The following RTN4IP1 variants were observed in gnomAD, a reference collection of about 807,000 sequenced individuals.
RTN4IP1 encodes the protein reticulon 4 interacting protein 1, also known as NAD(P)H oxidoreductase RTN4IP1, mitochondrial.
Under a neutral mutation model 46.6 loss-of-function variants are expected in RTN4IP1, and 32 were observed. The ratio of observed to expected loss-of-function variants is 0.69; its 90% CI spans 0.52 to 0.92. The LOEUF is 0.92. RTN4IP1 is among the 40% of genes least tolerant of loss of function. RTN4IP1 has a pLI of 0.00. For synonymous variants in RTN4IP1, 167 were observed against 161.8 expected, an observed-to-expected ratio of 1.03 and a Z score of -0.24; for missense variants, 424 against 485.8, an observed-to-expected ratio of 0.87 and a Z score of 1.20.
intron 6 of RTN4IP1, among the ~76,000 whole-genome samples, chr6:106,591,242 A>T (rs888327720): frequency 6.6e-6 from 1 of 152,166 alleles, no homozygotes; most frequent in African/African-American, 2.4e-5. Flanking sequence ...GAAAGTGGGC[A>T]TTTGTCTGGT....
chr6:106,608,391 A>G (rs1776139420), intron 4 of RTN4IP1, among the ~76,000 whole-genome samples: 1 of 152,206 alleles, frequency 6.6e-6, no homozygotes. Context: ...TTACAGCTAG[A>G]TAGGAAGAAT....
intron 8 of RTN4IP1, among the ~76,000 whole-genome samples, chr6:106,580,168 C>T (rs1191921083): frequency 8.8e-5 from 13 of 147,354 alleles, no homozygotes; most frequent in South Asian, 2.2e-4. Context: ...GAGCTGAGAT[C>T]GCGCCACTGC....
At chr6:106,589,859 T>C (rs906970326) in intron 6 of RTN4IP1, among the ~76,000 whole-genome samples, 2 of 152,150 alleles carry the variant, frequency 1.3e-5, no homozygotes, top group African/African-American at 4.8e-5. Flanking sequence ...AGTCACGAAG[T>C]TCCCCCTACT....
chr6:106,609,463 A>AGGAGTTTGAGGAGTTTGAGGAGTTTG, intron 4 of RTN4IP1, among the ~76,000 whole-genome samples: 1 of 152,270 alleles, frequency 6.6e-6, no homozygotes, highest in East Asian at 1.9e-4. Context: ...CAGGAGTTTG[A>AGGAGTTTGAGGAGTTTGAGGAGTTTG]GGCTGCAGTG....
At chr6:106,619,092 T>A in intron 4 of RTN4IP1, 110 bp downstream of exon 4, 1 of 1,223,124 alleles carries the variant, frequency 8.2e-7, no homozygotes, top group Non-Finnish European at 1.2e-6. Flanking sequence ...TTAGTACAGC[T>A]CTGTTCGTGT....
At chr6:106,623,045 C>G (rs1776528240) in intron 1 of RTN4IP1, 76 bp from the exon 2 acceptor site, 3 of 1,433,374 alleles carry the variant, frequency 2.1e-6, no homozygotes, top group Non-Finnish European at 2.9e-6. Flanking sequence ...GGTTATAGTC[C>G]AGTACAATTT....
chr6:106,614,660 C>A (rs193018541), intron 4 of RTN4IP1, among the ~76,000 whole-genome samples: 17 of 152,052 alleles, frequency 1.1e-4, no homozygotes, highest in Non-Finnish European at 2.5e-4. Flanking sequence ...TGAAACCATA[C>A]GAAAAGTAAG....
chr6:106,601,591 T>G (rs1460498099), intron 5 of RTN4IP1, among the ~76,000 whole-genome samples: 1 of 152,144 alleles, frequency 6.6e-6, no homozygotes, highest in East Asian at 1.9e-4. Flanking sequence ...TTTAGATCTT[T>G]GATCCATTTT....
intron 4 of RTN4IP1, among the ~76,000 whole-genome samples, chr6:106,612,223 CTAAAAATA>C (rs1776242364): frequency 6.6e-6 from 1 of 151,796 alleles, no homozygotes; most frequent in Non-Finnish European, 1.5e-5. Context: ...CCCATCTCTA[CTAAAAATA>C]TAAAAATTAG....
At chr6:106,612,946 G>A (rs1206461618) in intron 4 of RTN4IP1, among the ~76,000 whole-genome samples, 1 of 152,138 alleles carries the variant, frequency 6.6e-6, no homozygotes, top group Non-Finnish European at 1.5e-5. Flanking sequence ...ATCTGTAAGG[G>A]CGCACCCTTC....
chr6:106,572,982 G>C (rs1373521020), intron 8 of RTN4IP1, among the ~76,000 whole-genome samples: 2 of 152,204 alleles, frequency 1.3e-5, no homozygotes, highest in African/African-American at 2.4e-5. Flanking sequence ...CACCTCATGT[G>C]AGCTTTCTGG....
chr6:106,627,332 T>C (rs547379472), intron 1 of RTN4IP1, among the ~76,000 whole-genome samples: 1 of 152,334 alleles, frequency 6.6e-6, no homozygotes, highest in Non-Finnish European at 1.5e-5. Context: ...CGCATGTGCA[T>C]TTAAAGAAAT....
chr6:106,601,268 C>A (rs1222765585), intron 5 of RTN4IP1, among the ~76,000 whole-genome samples: 1 of 152,032 alleles, frequency 6.6e-6, no homozygotes, highest in Admixed American at 6.6e-5. Flanking sequence ...ACTGTGCTGT[C>A]TTTTTGTTGT....
At chr6:106,616,982 G>GAA (rs1243448014) in intron 4 of RTN4IP1, among the ~76,000 whole-genome samples, 1 of 152,102 alleles carries the variant, frequency 6.6e-6, no homozygotes, top group African/African-American at 2.4e-5. Context: ...CATGCAAGCG[G>GAA]AACCCTCATG....
intron 8 of RTN4IP1, 146 bp downstream of exon 8, chr6:106,583,182 T>C (rs1775409439): frequency 1.6e-6 from 1 of 610,160 alleles, no homozygotes; most frequent in South Asian, 2.0e-5. Flanking sequence ...AGACATAGCA[T>C]GTAAACTTGG....
intron 4 of RTN4IP1, among the ~76,000 whole-genome samples, chr6:106,615,979 C>T (rs1192079828): frequency 2.6e-5 from 4 of 151,862 alleles, no homozygotes; most frequent in African/African-American, 7.3e-5. Context: ...AGTACCGTTG[C>T]GCAATCTCAG....
intron 8 of RTN4IP1, among the ~76,000 whole-genome samples, chr6:106,577,413 A>G (rs1288798928): frequency 1.6e-5 from 2 of 121,334 alleles, no homozygotes; most frequent in African/African-American, 6.3e-5. Flanking sequence ...ACACCACTAC[A>G]CTCCAGCCTG....
chr6:106,612,765 C>A (rs1334857560), intron 4 of RTN4IP1, among the ~76,000 whole-genome samples: 1 of 152,060 alleles, frequency 6.6e-6, no homozygotes, highest in Admixed American at 6.6e-5. Context: ...GCCCTGACTC[C>A]CGCCAAAGCA....
intron 1 of RTN4IP1, among the ~76,000 whole-genome samples, chr6:106,625,648 TTTTC>T (rs1776615430): frequency 7.0e-6 from 1 of 142,846 alleles, no homozygotes; most frequent in Non-Finnish European, 1.5e-5. Context: ...TGAGTGGCTT[TTTTC>T]TTTTTTTTCT....
Sources: gnomAD v4.1 joint callset for allele counts (sites outside exome capture counted in the v4.1 genomes callset) on GRCh38, gnomAD v4.1.1 for gene constraint, MANE v1.5 for transcripts, NCBI Gene and HGNC (gene_info 2026-07-23, HGNC 2026-07-21) for gene names.